ZCCHC24: variants seen among roughly 807,000 people sequenced by gnomAD.
ZCCHC24 encodes zinc finger CCHC-type containing 24, also known as zinc finger CCHC domain-containing protein 24.
In ZCCHC24, 10 loss-of-function variants were observed where a neutral mutation model predicts 26.2. The ratio of observed to expected loss-of-function variants is 0.38; its 90% CI spans 0.24 to 0.65. The LOEUF is 0.65. Ranked by LOEUF, ZCCHC24 falls within the 30% of genes least tolerant of loss-of-function variation. ZCCHC24 has a pLI of 0.54. For missense variants in ZCCHC24, 243 were observed against 329.1 expected, an observed-to-expected ratio of 0.74 and a Z score of 2.03; for synonymous variants, 144 against 147.1, an observed-to-expected ratio of 0.98 and a Z score of 0.15.
At chr10:79,398,507 C>A (rs1324671559) in intron 2 of ZCCHC24, among the ~76,000 whole-genome samples, 2 of 152,102 alleles carry the variant, frequency 1.3e-5, no homozygotes, top group Admixed American at 6.6e-5. Context: ...GAGGTATTGC[C>A]GAGGCTAGGG....
intron 1 of ZCCHC24, among the ~76,000 whole-genome samples, chr10:79,436,510 G>A (rs1318433606): frequency 2.0e-5 from 3 of 152,236 alleles, no homozygotes; most frequent in Non-Finnish European, 4.4e-5. Flanking sequence ...AGGAGGGGGC[G>A]CAGGGATCAT....
intron 2 of ZCCHC24, among the ~76,000 whole-genome samples, chr10:79,397,328 C>T (rs1363011123): frequency 6.6e-6 from 1 of 152,188 alleles, no homozygotes; most frequent in Non-Finnish European, 1.5e-5. Context: ...GTCAGCCACA[C>T]CCAGGGGAGT....
intron 2 of ZCCHC24, among the ~76,000 whole-genome samples, chr10:79,398,206 C>T (rs776237310): frequency 6.6e-6 from 1 of 152,174 alleles, no homozygotes; most frequent in Non-Finnish European, 1.5e-5. Context: ...GGATGTGGCT[C>T]CAATTGTGGT....
At chr10:79,412,386 C>T (rs986925306) in intron 2 of ZCCHC24, among the ~76,000 whole-genome samples, 11 of 152,220 alleles carry the variant, frequency 7.2e-5, no homozygotes, top group African/African-American at 2.7e-4. Context: ...CGGTGAGGGG[C>T]GGACATGCCC....
chr10:79,386,500 G>A (rs1208856137), intron 3 of ZCCHC24, 42 bp from the exon 4 acceptor site: 2 of 1,480,438 alleles, frequency 1.4e-6, no homozygotes, highest in Non-Finnish European at 1.8e-6. Flanking sequence ...AGTGAGGGGA[G>A]AGAAAGACAG....
At chr10:79,393,017 A>C (rs753232428) in intron 3 of ZCCHC24, among the ~76,000 whole-genome samples, 6 of 151,852 alleles carry the variant, frequency 4.0e-5, no homozygotes, top group Non-Finnish European at 7.4e-5. Context: ...GGCTTCTAGG[A>C]CTCCACACCC....
intron 3 of ZCCHC24, 29 bp downstream of exon 3, chr10:79,394,247 C>T (rs777222557): frequency 6.2e-7 from 1 of 1,605,018 alleles, no homozygotes; most frequent in Non-Finnish European, 8.5e-7. Flanking sequence ...CGCGGTCCTT[C>T]TGAGAAGGCC....
At chr10:79,398,056 C>T (rs990231284) in intron 2 of ZCCHC24, among the ~76,000 whole-genome samples, 9 of 152,238 alleles carry the variant, frequency 5.9e-5, no homozygotes, top group Non-Finnish European at 1.3e-4. Flanking sequence ...TGGAGCCGTC[C>T]GTCAGGGCGT....
intron 2 of ZCCHC24, among the ~76,000 whole-genome samples, chr10:79,426,786 A>G (rs1217861192): frequency 6.6e-6 from 1 of 152,238 alleles, no homozygotes; most frequent in Non-Finnish European, 1.5e-5. Context: ...AGAAATAAAA[A>G]AGACATGAGT....
At chr10:79,402,336 C>T (rs1404624808) in intron 2 of ZCCHC24, among the ~76,000 whole-genome samples, 1 of 152,002 alleles carries the variant, frequency 6.6e-6, no homozygotes, top group Admixed American at 6.6e-5. Context: ...AGTGCAGTGG[C>T]GTGATCTCCG....
chr10:79,384,007 G>A lies in ZCCHC24; in HGVS notation c.*2338C>T, dbSNP rs1856357986. The A allele has an allele frequency of 6.6e-6, 1 of 152,668 alleles. No individual in the cohort carries two copies. Among genetic ancestry groups the A allele is most frequent in the Non-Finnish European group, 1.5e-5 (1 of 68,038 alleles). 9.5% of individuals were successfully genotyped at this position (152,668 alleles called of 1,614,324 possible). A position where few individuals can be genotyped will look rare whatever the true frequency, so the allele number is the denominator to read the frequency against. On this transcript the variant is annotated 3_prime_UTR_variant, in exon 4 of 4. Coordinates refer to ENST00000372336, the MANE Select transcript of ZCCHC24 (RefSeq NM_153367.4). Reference sequence around the variant, plus strand: ...GCCCTCTGAGCACTTAATTCTCAATGGCACCTGGCCTGCATGGCAGGGGCT... The same window carrying A: ...GCCCTCTGAGCACTTAATTCTCAATAGCACCTGGCCTGCATGGCAGGGGCT...
chr10:79,389,783 T>C (rs1346194804), intron 3 of ZCCHC24, among the ~76,000 whole-genome samples: 2 of 151,980 alleles, frequency 1.3e-5, no homozygotes, highest in African/African-American at 4.8e-5. Context: ...ATCCATCTAA[T>C]TTTTGTAGTT....
chr10:79,421,087 C>T (rs961157046), intron 2 of ZCCHC24, among the ~76,000 whole-genome samples: 4 of 152,142 alleles, frequency 2.6e-5, no homozygotes, highest in Non-Finnish European at 4.4e-5. Context: ...GAGAGGGCTT[C>T]GGCAGGGCAA....
intron 2 of ZCCHC24, among the ~76,000 whole-genome samples, chr10:79,425,547 T>C (rs1164677949): frequency 6.6e-6 from 1 of 152,208 alleles, no homozygotes; most frequent in Non-Finnish European, 1.5e-5. Context: ...CAGGATGATA[T>C]TGAAAAAGCA....
intron 2 of ZCCHC24, chr10:79,403,590 G>A (rs898267796): frequency 1.0e-6 from 1 of 985,318 alleles, no homozygotes; most frequent in Non-Finnish European, 1.2e-6. Context: ...GACGCGGCAA[G>A]AGGCCACCCG....
chr10:79,408,900 T>A (rs1856755058), intron 2 of ZCCHC24: 1 of 152,214 alleles, frequency 6.6e-6, no homozygotes, highest in South Asian at 2.1e-4. Flanking sequence ...TCCCCATCTG[T>A]CCATGATGGG....
At chr10:79,427,083 T>G (rs569224809) in intron 2 of ZCCHC24, among the ~76,000 whole-genome samples, 1 of 149,560 alleles carries the variant, frequency 6.7e-6, no homozygotes, top group African/African-American at 2.4e-5. Context: ...AAAAAAACAG[T>G]TACTAGAGAA....
intron 1 of ZCCHC24, chr10:79,443,990 G>A (rs1157639250): frequency 7.6e-7 from 1 of 1,319,666 alleles, no homozygotes; most frequent in South Asian, 1.7e-5. Context: ...AATAATGGCA[G>A]AGTTGAACTC....
At chr10:79,420,014 A>T (rs1009631789) in intron 2 of ZCCHC24, among the ~76,000 whole-genome samples, 2 of 152,082 alleles carry the variant, frequency 1.3e-5, no homozygotes, top group Admixed American at 1.3e-4. Flanking sequence ...AGCAGGAAGG[A>T]TATAAAAGTG....
Sources: gnomAD v4.1 joint callset for allele counts (sites outside exome capture counted in the v4.1 genomes callset) on GRCh38, gnomAD v4.1.1 for gene constraint, MANE v1.5 for transcripts, NCBI Gene and HGNC (gene_info 2026-07-23, HGNC 2026-07-21) for gene names.